HNRNPR: variants seen among roughly 807,000 people sequenced by gnomAD.
The protein encoded by HNRNPR is heterogeneous nuclear ribonucleoprotein R.
HNRNPR carries 4 observed loss-of-function variants against 70.3 expected under a neutral mutation model. The observed-to-expected ratio is 0.06, with a 90% CI of 0.03 to 0.13. The LOEUF (loss-of-function observed/expected upper bound fraction) is 0.13. Ranked by LOEUF, HNRNPR falls within the 10% of genes least tolerant of loss-of-function variation. The probability of loss-of-function intolerance (pLI) is 1.00; values close to 1 mark genes in which losing one functional copy is unlikely to be tolerated. For synonymous variants in HNRNPR, 241 were observed against 267.6 expected, an observed-to-expected ratio of 0.90 and a Z score of 0.97; for missense variants, 423 against 788.5, an observed-to-expected ratio of 0.54 and a Z score of 5.55.
In HNRNPR at chr1:23,305,333, C is replaced by A. The variant is rs1281767037; in HGVS notation, c.*5121G>T. The A allele has an allele frequency of 6.6e-6, 1 of 152,120 alleles. No individual in the cohort carries two copies. Among genetic ancestry groups the A allele is most frequent in the African/African-American group, 2.4e-5 (1 of 41,426 alleles). The allele number at this position is 152,120 out of a possible 1,614,324, so 9.4% of individuals were successfully genotyped here. A position where few individuals can be genotyped will look rare whatever the true frequency, so the allele number is the denominator to read the frequency against. ...CATAAAATGTTACCTTAACACAACC[C>A]TGCAATCACTACAATTCTTAAAAGT... is the stretch of plus-strand genomic sequence containing the variant. On this transcript the variant is annotated 3_prime_UTR_variant, in exon 11 of 11. Coordinates refer to ENST00000302271, the MANE Select transcript of HNRNPR (RefSeq NM_005826.5).
At chr1:23,332,922 G>A (rs1646301238) in intron 5 of HNRNPR, among the ~76,000 whole-genome samples, 1 of 152,066 alleles carries the variant, frequency 6.6e-6, no homozygotes, top group South Asian at 2.1e-4. Context: ...GGAGGCTAAC[G>A]CCTGTAATCC....
At chr1:23,331,021 GAACTTT>G (rs755469811) in intron 5 of HNRNPR, among the ~76,000 whole-genome samples, 19 of 152,178 alleles carry the variant, frequency 1.2e-4, no homozygotes, top group Non-Finnish European at 2.2e-4. Context: ...ACAATCTCAT[GAACTTT>G]AACTTTATGA....
intron 8 of HNRNPR, among the ~76,000 whole-genome samples, chr1:23,315,296 AAAAAAAAAAC>A (rs1159391252): frequency 9.7e-4 from 134 of 138,836 alleles, no homozygotes; most frequent in African/African-American, 3.4e-3. Flanking sequence ...AAAAAAAAAA[AAAAAAAAAAC>A]AAAAACCCAA....
intron 2 of HNRNPR, among the ~76,000 whole-genome samples, chr1:23,340,427 T>C (rs1258823088): frequency 1.3e-5 from 2 of 152,200 alleles, no homozygotes; most frequent in Non-Finnish European, 2.9e-5. Context: ...ACATTTATTA[T>C]GGTTTCAGAC....
intron 8 of HNRNPR, among the ~76,000 whole-genome samples, chr1:23,314,971 T>C (rs181079559): frequency 1.2e-3 from 190 of 152,194 alleles, no homozygotes; most frequent in East Asian, 5.2e-3. Context: ...AATAGACTAC[T>C]ATGTAGTCAT....
chr1:23,314,566 C>T (rs1253454858), intron 8 of HNRNPR, among the ~76,000 whole-genome samples: 2 of 152,072 alleles, frequency 1.3e-5, no homozygotes, highest in African/African-American at 4.8e-5. Context: ...TACACAGAAA[C>T]ACATATGGCT....
chr1:23,316,738 C>T (rs1460770868), intron 8 of HNRNPR, among the ~76,000 whole-genome samples: 2 of 152,024 alleles, frequency 1.3e-5, no homozygotes, highest in Non-Finnish European at 1.5e-5. Context: ...GTAGTTTACC[C>T]AAAGTCATAG....
intron 5 of HNRNPR, among the ~76,000 whole-genome samples, chr1:23,331,599 A>G (rs535060695): frequency 6.6e-6 from 1 of 151,936 alleles, no homozygotes; most frequent in East Asian, 1.9e-4. Flanking sequence ...AGGTAGGAGA[A>G]TCGCTTGAAC....
chr1:23,314,869 CAACT>C (rs1345938592), intron 8 of HNRNPR, among the ~76,000 whole-genome samples: 1 of 152,160 alleles, frequency 6.6e-6, no homozygotes, highest in Non-Finnish European at 1.5e-5. Flanking sequence ...CCACTTGTAT[CAACT>C]AACATAAGCT....
rs935841714 is a variant in HNRNPR at position 23,306,592 on chromosome 1, C to T, written c.*3862G>A. On this transcript the variant is annotated 3_prime_UTR_variant, in exon 11 of 11. Coordinates refer to ENST00000302271, the MANE Select transcript of HNRNPR (RefSeq NM_005826.5). ...TAACATCTGAAAATGATTAAAAAAA[C>T]AAAAAAACAAAACAAAACAAAACAA... 6.6e-6 allele frequency: 1 copy of T among 150,890 alleles called. No homozygotes were observed. The highest frequency in any genetic ancestry group is 1.5e-5 in the Non-Finnish European group (1 of 67,694). 9.3% of individuals were successfully genotyped at this position (150,890 alleles called of 1,614,324 possible).
At chr1:23,329,557 G>A (rs1307860639) in intron 5 of HNRNPR, among the ~76,000 whole-genome samples, 2 of 152,188 alleles carry the variant, frequency 1.3e-5, no homozygotes, top group African/African-American at 4.8e-5. Context: ...TGAAGACCCA[G>A]AAAAAGTTTT....
At chr1:23,324,419 T>C (rs1645879497) in intron 5 of HNRNPR, among the ~76,000 whole-genome samples, 1 of 151,908 alleles carries the variant, frequency 6.6e-6, no homozygotes, top group Non-Finnish European at 1.5e-5. Flanking sequence ...ATACAAAAAA[T>C]TCTCCGGGCA....
chr1:23,311,202 C>A lies in HNRNPR; in HGVS notation c.1288G>T (p.Ala430Ser). ...ATATCTACTAAAATGTAGACTCACG[C>A]AGTGCTTCTGGAGGCCTGTCTAGCA... is the stretch of plus-strand genomic sequence containing the variant. ...QAARQASRST[A>S]YEDYYYHPPP... The change falls in exon 10 of 11, where the codon GCG becomes TCG. Residue 430 changes from alanine to serine, a missense_variant and splice_region_variant. This residue lies in a region of HNRNPR where 169 missense variants were observed against 195.6 expected (regional missense o/e 0.86). Transcript: ENST00000302271. The A allele has an allele frequency of 6.2e-7, 1 of 1,613,956 alleles. No homozygotes were observed. The highest frequency in any genetic ancestry group is 8.5e-7 in the Non-Finnish European group (1 of 1,180,008).
rs574407170 is a variant in HNRNPR, at chr1:23,330,587, T to C, written c.498+2931A>G. ...GCTTCCCAAAGCAGCTTAACAATAC[T>C]AGCTGAAGAATACAAAAATACTACA... is the stretch of plus-strand genomic sequence containing the variant. On this transcript the variant is annotated intron_variant, in intron 5 of 10. Coordinates refer to ENST00000302271, the MANE Select transcript of HNRNPR (RefSeq NM_005826.5). 2.0e-5 allele frequency among the ~76,000 whole-genome samples: 3 copies of C among 152,184 alleles called. No individual in the cohort carries two copies. The East Asian group carries it at 5.8e-4, about 29-fold the overall frequency.
intron 8 of HNRNPR, among the ~76,000 whole-genome samples, chr1:23,317,477 T>A: frequency 6.6e-6 from 1 of 151,714 alleles, no homozygotes; most frequent in African/African-American, 2.4e-5. Flanking sequence ...AATGCAACTC[T>A]GATGTGTCCC....
chr1:23,326,903 G>A (rs375969938), intron 5 of HNRNPR, among the ~76,000 whole-genome samples: 1 of 152,100 alleles, frequency 6.6e-6, no homozygotes, highest in Non-Finnish European at 1.5e-5. Flanking sequence ...GAAGTATTCA[G>A]AATACCAATC....
Position 23,311,043 on chromosome 1 carries a change from G to C in HNRNPR, c.1313C>G (p.Pro438Arg). 6.2e-7 allele frequency: 1 copy of C among 1,614,144 alleles called. No homozygotes were observed. The highest frequency in any genetic ancestry group is 1.1e-5 in the South Asian group (1 of 91,064). The change falls in exon 11 of 11, where the codon CCT (proline) becomes CGT (arginine). Residue 438 changes from proline (P) to arginine (R), a missense_variant. Transcript: ENST00000302271. ...STAYEDYYYH[P>R]PPRMPPPIRG... is the part of the protein sequence containing the mutation. ...AATTGGAGGTGGCATGCGAGGAGGA[G>C]GGTGGTAGTAATAATCTTCATACCT... is the stretch of plus-strand genomic sequence containing the variant.
intron 6 of HNRNPR, 39 bp from the exon 7 acceptor site, chr1:23,321,702 C>G: frequency 1.9e-6 from 3 of 1,576,300 alleles, no homozygotes; most frequent in South Asian, 2.4e-5. Context: ...AAAACCACCC[C>G]AAACTCAGGA....
chr1:23,337,146 G>A (rs1208619385), intron 4 of HNRNPR, among the ~76,000 whole-genome samples: 1 of 152,144 alleles, frequency 6.6e-6, no homozygotes, highest in Non-Finnish European at 1.5e-5. Context: ...AAACAAAGTG[G>A]CTGGAAAATA....
Sources: allele counts gnomAD v4.1 joint callset (sites outside exome capture counted in the v4.1 genomes callset), GRCh38; gene constraint gnomAD v4.1.1; regional missense constraint gnomAD v4.1.1; transcripts MANE v1.5; gene names NCBI Gene and HGNC (gene_info 2026-07-23, HGNC 2026-07-21).